The following EDIL3 variants were observed in gnomAD, a reference collection of about 807,000 sequenced individuals.
EDIL3 encodes EGF-like repeat and discoidin I-like domain-containing protein 3.
A neutral mutation model predicts 67.4 loss-of-function variants in EDIL3; 37 were observed. That is an observed-to-expected ratio of 0.55 (90% CI 0.42 to 0.72). EDIL3 has a LOEUF of 0.72. EDIL3 is among the 30% of genes least tolerant of loss of function. The pLI is 0.00. For synonymous variants in EDIL3, 195 were observed against 196.3 expected, an observed-to-expected ratio of 0.99 and a Z score of 0.05; for missense variants, 527 against 586.3, an observed-to-expected ratio of 0.90 and a Z score of 1.04.
chr5:84,366,665 C>A (rs893797813), intron 1 of EDIL3, among the ~76,000 whole-genome samples: 1 of 151,786 alleles, frequency 6.6e-6, no homozygotes, highest in Non-Finnish European at 1.5e-5. Context: ...TTATCAAAAA[C>A]GGAAAGGGGA....
chr5:84,139,676 C>T (rs779530327), intron 4 of EDIL3, among the ~76,000 whole-genome samples: 1 of 152,024 alleles, frequency 6.6e-6, no homozygotes, highest in Non-Finnish European at 1.5e-5. Context: ...GAAAACACTG[C>T]CGTATTTTGT....
At chr5:84,308,918 A>G (rs1233945214) in intron 1 of EDIL3, among the ~76,000 whole-genome samples, 1 of 152,152 alleles carries the variant, frequency 6.6e-6, no homozygotes, top group South Asian at 2.1e-4. Context: ...TCCATCACCA[A>G]TCACTCAGTT....
chr5:84,283,130 G>A (rs1405477655), intron 1 of EDIL3, among the ~76,000 whole-genome samples: 1 of 151,958 alleles, frequency 6.6e-6, no homozygotes, highest in Non-Finnish European at 1.5e-5. Context: ...TATAGGAGCA[G>A]ATATAGAGCA....
At chr5:84,289,711 T>C (rs1231963299) in intron 1 of EDIL3, among the ~76,000 whole-genome samples, 1 of 152,178 alleles carries the variant, frequency 6.6e-6, no homozygotes, top group Non-Finnish European at 1.5e-5. Flanking sequence ...ATAGCATTCA[T>C]TCATTTATCT....
chr5:84,101,243 AT>A (rs34638063), intron 6 of EDIL3, among the ~76,000 whole-genome samples: 2 of 152,064 alleles, frequency 1.3e-5, no homozygotes, highest in South Asian at 2.1e-4. Context: ...CTAATTATAT[AT>A]TTTTTGTAAT....
intron 1 of EDIL3, among the ~76,000 whole-genome samples, chr5:84,259,924 G>A (rs945215406): frequency 6.6e-6 from 1 of 152,130 alleles, no homozygotes; most frequent in Non-Finnish European, 1.5e-5. Context: ...TGCATTTTCT[G>A]TGAGCTTAGT....
chr5:84,307,606 A>G (rs1707757966), intron 1 of EDIL3, among the ~76,000 whole-genome samples: 1 of 152,230 alleles, frequency 6.6e-6, no homozygotes, highest in African/African-American at 2.4e-5. Flanking sequence ...TCAAGGAAAT[A>G]CCAGAAGCAC....
At chr5:84,085,865 C>T (rs932137221) in intron 6 of EDIL3, among the ~76,000 whole-genome samples, 1 of 152,216 alleles carries the variant, frequency 6.6e-6, no homozygotes, top group Non-Finnish European at 1.5e-5. Flanking sequence ...ACTGGGGCTG[C>T]TGCATTTCCT....
chr5:84,225,781 G>T lies in EDIL3; in HGVS notation c.226+4074C>A, dbSNP rs1372274257. Among the ~76,000 whole-genome samples the T allele has an allele frequency of 2.6e-5, 4 of 151,390 alleles. No homozygotes were observed. In the East Asian group the frequency reaches 7.7e-4, roughly 29 times the overall value. On this transcript the variant is annotated intron_variant, in intron 3 of 10. Coordinates refer to ENST00000296591, the MANE Select transcript of EDIL3 (RefSeq NM_005711.5). ...TATAGAATTAAAACAACCTAGATTT[G>T]TCATACAATATCAATACATTAAAAA...
chr5:84,040,767 A>G (rs958216660), intron 9 of EDIL3, among the ~76,000 whole-genome samples: 1 of 152,184 alleles, frequency 6.6e-6, no homozygotes, highest in East Asian at 1.9e-4. Flanking sequence ...TGATACTTTA[A>G]TCTTAAATTG....
At chr5:84,221,524 A>T (rs993670406) in intron 3 of EDIL3, among the ~76,000 whole-genome samples, 2 of 151,534 alleles carry the variant, frequency 1.3e-5, no homozygotes, top group Non-Finnish European at 2.9e-5. Context: ...ACAGTTAAAC[A>T]TCACTATCAC....
intron 10 of EDIL3, among the ~76,000 whole-genome samples, chr5:83,951,287 A>C (rs1173109160): frequency 1.3e-5 from 2 of 151,886 alleles, no homozygotes; most frequent in East Asian, 3.9e-4. Context: ...TGTGGCTCTA[A>C]AGTTTGCTTT....
At chr5:84,232,621 A>G (rs1287901214) in intron 2 of EDIL3, among the ~76,000 whole-genome samples, 1 of 152,218 alleles carries the variant, frequency 6.6e-6, no homozygotes, top group African/African-American at 2.4e-5. Flanking sequence ...GTTACAAATT[A>G]ACAGAATTAC....
At chr5:84,040,028 C>T (rs2112212339) in intron 9 of EDIL3, among the ~76,000 whole-genome samples, 1 of 152,110 alleles carries the variant, frequency 6.6e-6, no homozygotes, top group African/African-American at 2.4e-5. Context: ...TTTACACAAC[C>T]CTATAAAATA....
rs1386008726 is a variant in EDIL3 at position 83,942,934 on chromosome 5, G to A, written c.*485C>T. 6 of 158,186 alleles carry A rather than the reference G, an allele frequency of 3.8e-5. No homozygotes were observed. The highest frequency in any genetic ancestry group is 8.4e-5 in the Non-Finnish European group (6 of 71,178). 9.8% of individuals were successfully genotyped at this position (158,186 alleles called of 1,614,324 possible). On this transcript the variant is annotated 3_prime_UTR_variant, in exon 11 of 11. Transcript: ENST00000296591. ...TAAAATTTTGTAATAAACATTGACA[G>A]TGTTTGGTAGGCACAGGGAAACAGG...
chr5:83,976,976 T>G (rs1352028306), intron 9 of EDIL3, among the ~76,000 whole-genome samples: 1 of 151,816 alleles, frequency 6.6e-6, no homozygotes, highest in Admixed American at 6.6e-5. Flanking sequence ...TGACAATATA[T>G]TTATCTCTTC....
chr5:84,290,945 C>T (rs780666748), intron 1 of EDIL3, among the ~76,000 whole-genome samples: 10 of 152,134 alleles, frequency 6.6e-5, no homozygotes, highest in Non-Finnish European at 1.3e-4. Flanking sequence ...TGCCACTGAA[C>T]ATTTGTGATT....
At chr5:83,970,986 T>G (rs1448344639) in intron 9 of EDIL3, among the ~76,000 whole-genome samples, 1 of 151,444 alleles carries the variant, frequency 6.6e-6, no homozygotes, top group Non-Finnish European at 1.5e-5. Flanking sequence ...AGAAGGCCAG[T>G]TGTCCAAAAG....
intron 4 of EDIL3, among the ~76,000 whole-genome samples, chr5:84,167,185 T>C (rs1748720254): frequency 6.6e-6 from 1 of 152,140 alleles, no homozygotes; most frequent in African/African-American, 2.4e-5. Flanking sequence ...TAGTGCATAA[T>C]GCTGCCTTAG....
Sources: allele counts gnomAD v4.1 joint callset (sites outside exome capture counted in the v4.1 genomes callset), GRCh38; gene constraint gnomAD v4.1.1; transcripts MANE v1.5; gene names NCBI Gene and HGNC (gene_info 2026-07-23, HGNC 2026-07-21).